Variants in GRIA1 observed in about 807,000 individuals in gnomAD.
GRIA1 encodes glutamate ionotropic receptor AMPA type subunit 1.
Under a neutral mutation model 99.2 loss-of-function variants are expected in GRIA1, and 31 were observed. The observed-to-expected ratio is 0.31, with a 90% CI of 0.23 to 0.42. The LOEUF (loss-of-function observed/expected upper bound fraction) is 0.42, where lower values mean the gene tolerates loss of function less well. GRIA1 is among the 10% of genes least tolerant of loss of function. The pLI, the probability that GRIA1 is intolerant of heterozygous loss-of-function variation, is 1.00. For missense variants in GRIA1, 782 were observed against 1,157.5 expected, an observed-to-expected ratio of 0.68 and a Z score of 4.71; for synonymous variants, 438 against 432.4, an observed-to-expected ratio of 1.01 and a Z score of -0.16.
chr5:153,705,662 ATTTTTTTTTT>A (rs70978505), intron 10 of GRIA1, 25 bp from the exon 11 acceptor site: 192 of 752,518 alleles, frequency 2.6e-4, no homozygotes, highest in Middle Eastern at 2.0e-3. Flanking sequence ...GCTCACCTGC[ATTTTTTTTTT>A]TTTTTTTTTT....
intron 2 of GRIA1, among the ~76,000 whole-genome samples, chr5:153,626,618 C>T (rs1236593698): frequency 6.6e-6 from 1 of 152,098 alleles, no homozygotes; most frequent in Admixed American, 6.6e-5. Flanking sequence ...TTAGTTTCAG[C>T]TGAATTAACT....
At chr5:153,681,860 C>T (rs199668570) in intron 7 of GRIA1, among the ~76,000 whole-genome samples, 1 of 151,918 alleles carries the variant, frequency 6.6e-6, no homozygotes, top group East Asian at 1.9e-4. Context: ...ATAGTGAAAC[C>T]CTGTCTCTAC....
intron 2 of GRIA1, among the ~76,000 whole-genome samples, chr5:153,494,487 C>T (rs868657220): frequency 6.6e-6 from 1 of 152,190 alleles, no homozygotes; most frequent in Non-Finnish European, 1.5e-5. Flanking sequence ...CAGAATGTAG[C>T]TTGATAAGAA....
chr5:153,511,715 A>AACCC (rs1408778778), intron 2 of GRIA1, among the ~76,000 whole-genome samples: 4 of 152,326 alleles, frequency 2.6e-5, no homozygotes, highest in Non-Finnish European at 5.9e-5. Flanking sequence ...TCACGATGCT[A>AACCC]ACACAGAACT....
chr5:153,534,437 A>G (rs1758373445), intron 2 of GRIA1, among the ~76,000 whole-genome samples: 1 of 152,248 alleles, frequency 6.6e-6, no homozygotes, highest in Non-Finnish European at 1.5e-5. Flanking sequence ...TAGGGAAAGC[A>G]AAACGGCCAA....
At chr5:153,755,746 A>G (rs1181521326) in intron 11 of GRIA1, 1 of 152,196 alleles carries the variant, frequency 6.6e-6, no homozygotes, top group African/African-American at 2.4e-5. Flanking sequence ...CCTAACAACA[A>G]TAAGAATTCT....
chr5:153,691,144 G>C (rs1757718637), intron 8 of GRIA1, among the ~76,000 whole-genome samples: 1 of 152,100 alleles, frequency 6.6e-6, no homozygotes, highest in Non-Finnish European at 1.5e-5. Flanking sequence ...TCATCATAAA[G>C]TTTAGGGGCT....
chr5:153,565,072 T>C (rs1262531393), intron 2 of GRIA1, among the ~76,000 whole-genome samples: 1 of 152,212 alleles, frequency 6.6e-6, no homozygotes, highest in African/African-American at 2.4e-5. Flanking sequence ...TTAGAGGATA[T>C]GGAAACCTCT....
At chr5:153,528,772 A>G (rs933176366) in intron 2 of GRIA1, among the ~76,000 whole-genome samples, 1 of 152,196 alleles carries the variant, frequency 6.6e-6, no homozygotes, top group African/African-American at 2.4e-5. Context: ...AAAATAAGGC[A>G]TTCTCCTATA....
chr5:153,543,646 A>G (rs1307051414), intron 2 of GRIA1, among the ~76,000 whole-genome samples: 2 of 152,216 alleles, frequency 1.3e-5, no homozygotes, highest in African/African-American at 2.4e-5. Context: ...TAATCTTAAG[A>G]TTCCTTTTCT....
At chr5:153,617,909 A>G (rs570931176) in intron 2 of GRIA1, among the ~76,000 whole-genome samples, 1 of 152,312 alleles carries the variant, frequency 6.6e-6, no homozygotes, top group Admixed American at 6.5e-5. Context: ...ACTCACATGT[A>G]CACCATGCTT....
chr5:153,496,042 G>C (rs1329977010), intron 2 of GRIA1, among the ~76,000 whole-genome samples: 3 of 152,186 alleles, frequency 2.0e-5, no homozygotes, highest in Non-Finnish European at 4.4e-5. Context: ...AGCAGGTTTT[G>C]GTTGAAAGAG....
chr5:153,737,072 G>A (rs1296333916), intron 11 of GRIA1, among the ~76,000 whole-genome samples: 1 of 152,118 alleles, frequency 6.6e-6, no homozygotes, highest in Non-Finnish European at 1.5e-5. Context: ...ATTGGGTTAG[G>A]CTGTAAGCCT....
rs150735167 is a variant in GRIA1 at position 153,625,959 on chromosome 5, A to G, written c.221-20969A>G. Reference sequence around the variant, plus strand: ...AAGCACAAGGATTCAAAGCTTAGCGATCTGGTGCCTACGCCCGTCACTTAG... The same window carrying G: ...AAGCACAAGGATTCAAAGCTTAGCGGTCTGGTGCCTACGCCCGTCACTTAG... On this transcript the variant is annotated intron_variant, in intron 2 of 15. Coordinates refer to ENST00000285900, the MANE Select transcript of GRIA1 (RefSeq NM_000827.4). Among the ~76,000 whole-genome samples the G allele has an allele frequency of 4.6e-5, 7 of 152,306 alleles. No homozygotes were observed. The South Asian group carries it at 1.4e-3, about 32-fold the overall frequency.
At chr5:153,493,905 T>C (rs781218575) in intron 1 of GRIA1, 23 bp from the exon 2 acceptor site, 7 of 1,613,320 alleles carry the variant, frequency 4.3e-6, no homozygotes, top group South Asian at 3.3e-5. Flanking sequence ...CCATATACCA[T>C]GTTGCATTTT....
intron 2 of GRIA1, among the ~76,000 whole-genome samples, chr5:153,513,533 G>C (rs371324800): frequency 2.0e-5 from 3 of 152,270 alleles, no homozygotes; most frequent in African/African-American, 7.2e-5. Context: ...TCCTGAGTCA[G>C]TGAGCCACAG....
chr5:153,672,829 T>G (rs1254642930), intron 5 of GRIA1, among the ~76,000 whole-genome samples: 6 of 152,186 alleles, frequency 3.9e-5, no homozygotes, highest in Non-Finnish European at 1.5e-5. Flanking sequence ...AATTTGGTGG[T>G]TTCCCCCAAG....
chr5:153,533,708 C>T (rs1397399386), intron 2 of GRIA1, among the ~76,000 whole-genome samples: 1 of 152,090 alleles, frequency 6.6e-6, no homozygotes, highest in African/African-American at 2.4e-5. Flanking sequence ...GCATATTGCT[C>T]AAATAAAGTG....
At chr5:153,750,468 G>C (rs144646048) in intron 11 of GRIA1, among the ~76,000 whole-genome samples, 1 of 152,122 alleles carries the variant, frequency 6.6e-6, no homozygotes, top group African/African-American at 2.4e-5. Context: ...ATGACACGAC[G>C]TGTTTTTGAA....
Sources: allele counts gnomAD v4.1 joint callset (sites outside exome capture counted in the v4.1 genomes callset), GRCh38; gene constraint gnomAD v4.1.1; transcripts MANE v1.5; gene names NCBI Gene and HGNC (gene_info 2026-07-23, HGNC 2026-07-21).